ROBO2: variants seen among roughly 807,000 people sequenced by gnomAD.
ROBO2 encodes roundabout homolog 2.
ROBO2 carries 53 observed loss-of-function variants against 160.8 expected under a neutral mutation model. The ratio of observed to expected loss-of-function variants is 0.33; its 90% CI spans 0.26 to 0.41. The LOEUF is 0.41. ROBO2 is among the 10% of genes least tolerant of loss of function. The pLI, the probability that ROBO2 is intolerant of heterozygous loss-of-function variation, is 1.00. For missense variants in ROBO2, 1,577 were observed against 1,722.4 expected, an observed-to-expected ratio of 0.92 and a Z score of 1.49; for synonymous variants, 664 against 611.7, an observed-to-expected ratio of 1.09 and a Z score of -1.26.
intron 2 of ROBO2, among the ~76,000 whole-genome samples, chr3:77,032,543 T>G (rs2063385595): frequency 6.6e-6 from 1 of 152,146 alleles, no homozygotes. Flanking sequence ...AACATAAAGT[T>G]TAAATGAATA....
intron 2 of ROBO2, among the ~76,000 whole-genome samples, chr3:76,982,027 A>G (rs2060126027): frequency 6.6e-6 from 1 of 152,182 alleles, no homozygotes; most frequent in Non-Finnish European, 1.5e-5. Flanking sequence ...TTGGGCAGGG[A>G]TAAATATCCA....
intron 2 of ROBO2, among the ~76,000 whole-genome samples, chr3:76,696,207 A>G (rs955191883): frequency 6.6e-6 from 1 of 152,188 alleles, no homozygotes; most frequent in Non-Finnish European, 1.5e-5. Context: ...GGAACGTCGT[A>G]GCGAGTCTAG....
intron 1 of ROBO2, among the ~76,000 whole-genome samples, chr3:77,064,230 T>C (rs2066608440): frequency 6.6e-6 from 1 of 152,142 alleles, no homozygotes; most frequent in African/African-American, 2.4e-5. Context: ...AAAAGTAAGG[T>C]GTAAACATTA....
chr3:77,133,240 C>T (rs1262546758), intron 2 of ROBO2, among the ~76,000 whole-genome samples: 1 of 152,002 alleles, frequency 6.6e-6, no homozygotes, highest in Admixed American at 6.6e-5. Flanking sequence ...AAAAATTTTC[C>T]ATTTTTTTGT....
At chr3:77,248,631 C>G (rs2090002002) in intron 2 of ROBO2, among the ~76,000 whole-genome samples, 1 of 152,210 alleles carries the variant, frequency 6.6e-6, no homozygotes, top group African/African-American at 2.4e-5. Flanking sequence ...TGCGCCCCCT[C>G]CCTTGAGGAG....
chr3:75,963,733 C>T (rs1228316998), intron 2 of ROBO2, among the ~76,000 whole-genome samples: 1 of 151,716 alleles, frequency 6.6e-6, no homozygotes, highest in Non-Finnish European at 1.5e-5. Flanking sequence ...AATCCAAGGT[C>T]AAAGTGCTCC....
intron 2 of ROBO2, among the ~76,000 whole-genome samples, chr3:76,948,671 T>A (rs1476086409): frequency 3.5e-5 from 5 of 144,922 alleles, no homozygotes; most frequent in Admixed American, 2.1e-4. Context: ...GTACTTAATC[T>A]GATGTTCCAA....
In ROBO2 at chr3:76,787,946, G is replaced by A. The variant is rs181007413; in HGVS notation, c.110-310068G>A. ...GAGCAGAAACAGTACCTAAGCACCT[G>A]GGCAGCAACTCTCAATTGCAGTAAA... On this transcript the variant is annotated intron_variant, in intron 2 of 26. Transcript: ENST00000487694. 6.6e-5 allele frequency among the ~76,000 whole-genome samples: 10 copies of A among 151,422 alleles called. No individual in the cohort carries two copies. The East Asian group carries it at 1.8e-3, about 27-fold the overall frequency.
intron 2 of ROBO2, among the ~76,000 whole-genome samples, chr3:76,727,768 G>A (rs2093575817): frequency 6.6e-6 from 1 of 152,088 alleles, no homozygotes; most frequent in Non-Finnish European, 1.5e-5. Context: ...GAAATGGATA[G>A]TAAAGAGAAA....
intron 2 of ROBO2, among the ~76,000 whole-genome samples, chr3:77,460,728 C>G (rs1054988853): frequency 6.6e-6 from 1 of 152,060 alleles, no homozygotes; most frequent in Non-Finnish European, 1.5e-5. Context: ...TAGGAATTTT[C>G]CACATATTAA....
At chr3:77,033,467 T>A (rs1559872591) in intron 2 of ROBO2, among the ~76,000 whole-genome samples, 1 of 152,178 alleles carries the variant, frequency 6.6e-6, no homozygotes, top group Non-Finnish European at 1.5e-5. Flanking sequence ...TAAATGTGCC[T>A]CTAGCTTTGT....
chr3:77,025,582 G>T (rs774010601), intron 2 of ROBO2, among the ~76,000 whole-genome samples: 4 of 152,166 alleles, frequency 2.6e-5, no homozygotes, highest in Non-Finnish European at 5.9e-5. Context: ...AAAGATTCAT[G>T]ATTTAAGTGA....
intron 2 of ROBO2, among the ~76,000 whole-genome samples, chr3:76,203,721 G>A (rs1189835695): frequency 6.6e-6 from 1 of 151,184 alleles, no homozygotes; most frequent in Non-Finnish European, 1.5e-5. Context: ...CAGGCTATCG[G>A]CTTCCCCCAT....
At chr3:76,022,968 T>G (rs1485192475) in intron 2 of ROBO2, among the ~76,000 whole-genome samples, 1 of 151,810 alleles carries the variant, frequency 6.6e-6, no homozygotes, top group Non-Finnish European at 1.5e-5. Flanking sequence ...ATCTATTATC[T>G]TAGCTAGATT....
intron 2 of ROBO2, among the ~76,000 whole-genome samples, chr3:77,396,862 C>T (rs1036710439): frequency 4.6e-5 from 7 of 152,008 alleles, no homozygotes; most frequent in African/African-American, 1.7e-4. Flanking sequence ...TACTATGAAC[C>T]TATAAGTAGA....
At chr3:76,247,690 A>G (rs182242039) in intron 2 of ROBO2, among the ~76,000 whole-genome samples, 228 of 152,218 alleles carry the variant, frequency 1.5e-3, no homozygotes, top group Middle Eastern at 0.014. Flanking sequence ...TTCAACTCGC[A>G]TCTTAAATTT....
chr3:76,220,616 G>A (rs1703901936), intron 2 of ROBO2, among the ~76,000 whole-genome samples: 1 of 152,108 alleles, frequency 6.6e-6, no homozygotes, highest in Admixed American at 6.6e-5. Context: ...AAATTACTTA[G>A]TCTTAGGTAT....
intron 2 of ROBO2, among the ~76,000 whole-genome samples, chr3:76,825,603 CAAAAAAAAAAAAAA>C (rs201063990): frequency 0.46 from 33,914 of 73,574 alleles, 5,999 homozygotes; most frequent in Middle Eastern, 0.54. Context: ...TCATCTTAGC[CAAAAAAAAAAAAAA>C]AAAAAAAAAA....
At chr3:77,185,643 G>A (rs1395622485) in intron 2 of ROBO2, among the ~76,000 whole-genome samples, 5 of 151,784 alleles carry the variant, frequency 3.3e-5, no homozygotes, top group Admixed American at 6.6e-5. Context: ...CATTTGATCC[G>A]GTGATCTCAC....
Sources: gnomAD v4.1 joint callset for allele counts (sites outside exome capture counted in the v4.1 genomes callset) on GRCh38, gnomAD v4.1.1 for gene constraint, MANE v1.5 for transcripts, NCBI Gene and HGNC (gene_info 2026-07-23, HGNC 2026-07-21) for gene names.